The following TMEM131L variants were observed in gnomAD, a reference collection of about 807,000 sequenced individuals.
The protein encoded by TMEM131L is transmembrane 131 like.
A neutral mutation model predicts 192.2 loss-of-function variants in TMEM131L; 54 were observed. The ratio of observed to expected loss-of-function variants is 0.28; its 90% CI spans 0.23 to 0.35. The LOEUF (loss-of-function observed/expected upper bound fraction) is 0.35, where lower values mean the gene tolerates loss of function less well. Among genes scored for constraint, TMEM131L ranks in the 10% least tolerant of loss-of-function variants. The pLI is 1.00. For missense variants in TMEM131L, 1,888 were observed against 1,972.9 expected, an observed-to-expected ratio of 0.96 and a Z score of 0.82; for synonymous variants, 701 against 704.9, an observed-to-expected ratio of 0.99 and a Z score of 0.09.
chr4:153,487,796 G>A (rs576003203), intron 3 of TMEM131L, among the ~76,000 whole-genome samples: 1 of 151,394 alleles, frequency 6.6e-6, no homozygotes, highest in South Asian at 2.1e-4. Context: ...GTGCGAGAGA[G>A]AGGAGCCAGG....
At chr4:153,483,141 G>A (rs1732063864) in intron 3 of TMEM131L, among the ~76,000 whole-genome samples, 1 of 152,156 alleles carries the variant, frequency 6.6e-6, no homozygotes, top group African/African-American at 2.4e-5. Context: ...ATTAAGGTCT[G>A]GGGAAGCTGG....
At chr4:153,569,316 T>G (rs1729428248) in intron 7 of TMEM131L, among the ~76,000 whole-genome samples, 1 of 152,154 alleles carries the variant, frequency 6.6e-6, no homozygotes, top group Admixed American at 6.5e-5. Flanking sequence ...TCCCCTGATT[T>G]CTTTGTTGAC....
chr4:153,573,111 C>T (rs1729701986), intron 7 of TMEM131L, among the ~76,000 whole-genome samples: 1 of 152,224 alleles, frequency 6.6e-6, no homozygotes, highest in Non-Finnish European at 1.5e-5. Context: ...CACCTTGTGG[C>T]ATTTATGAGT....
intron 3 of TMEM131L, among the ~76,000 whole-genome samples, chr4:153,520,177 C>T (rs1337022329): frequency 6.6e-6 from 1 of 152,078 alleles, no homozygotes; most frequent in Admixed American, 6.6e-5. Flanking sequence ...CTCTGCCAGG[C>T]ACGGTGGCTC....
chr4:153,604,487 A>G, intron 25 of TMEM131L, 57 bp downstream of exon 25: 1 of 1,489,532 alleles, frequency 6.7e-7, no homozygotes, highest in Non-Finnish European at 9.1e-7. Context: ...TCTGTTTTTA[A>G]TGGAATTGTT....
In TMEM131L at chr4:153,553,916, A is replaced by G. The variant is rs1737818272; in HGVS notation, c.309-1871A>G. Reference sequence around the variant, plus strand: ...CTTTTAAAAATAGAATCTAAAAAATAGAATAAAAATAGCAGTGGTGACTAG... The same window carrying G: ...CTTTTAAAAATAGAATCTAAAAAATGGAATAAAAATAGCAGTGGTGACTAG... On this transcript the variant is annotated intron_variant, in intron 4 of 34. Transcript: ENST00000409959. 2.0e-5 allele frequency among the ~76,000 whole-genome samples: 3 copies of G among 152,358 alleles called. No individual in the cohort carries two copies. The South Asian group carries it at 6.2e-4, about 32-fold the overall frequency.
chr4:153,614,647 G>A (rs966822138), intron 26 of TMEM131L, among the ~76,000 whole-genome samples: 6 of 152,140 alleles, frequency 3.9e-5, no homozygotes, highest in Non-Finnish European at 7.4e-5. Context: ...TGCCTGTTAC[G>A]TAGAATCAGT....
At chr4:153,514,871 G>C (rs532651545) in intron 3 of TMEM131L, among the ~76,000 whole-genome samples, 119 of 151,770 alleles carry the variant, frequency 7.8e-4, no homozygotes, top group African/African-American at 2.6e-3. Context: ...GGAGTGTGGT[G>C]ACGCAATCGT....
intron 4 of TMEM131L, among the ~76,000 whole-genome samples, chr4:153,553,651 C>T (rs537793468): frequency 9.9e-5 from 15 of 152,104 alleles, no homozygotes; most frequent in Non-Finnish European, 1.3e-4. Flanking sequence ...ATGTTGGCCT[C>T]GAGCAAATCC....
chr4:153,558,313 C>G lies in TMEM131L; in HGVS notation c.605C>G (p.Pro202Arg). The G allele has an allele frequency of 6.2e-7, 1 of 1,609,144 alleles. No individual in the cohort carries two copies. The highest frequency in any genetic ancestry group is 1.3e-5 in the African/African-American group (1 of 75,026). ...ACAGAAGGGTCTGCAAAGCAGCTAC[C>G]AAATGCTTATTTTCTGCTTCCAAAG... ...ISTEGSAKQL[P>R]NAYFLLPKVQ... The change falls in exon 7 of 35, where the codon CCA becomes CGA. Residue 202 changes from proline to arginine, a missense_variant. Coordinates refer to ENST00000409959, the MANE Select transcript of TMEM131L (RefSeq NM_001131007.2).
chr4:153,564,314 A>AAAAAAAAAAAAAG (rs1561196159), intron 7 of TMEM131L, among the ~76,000 whole-genome samples: 1 of 149,120 alleles, frequency 6.7e-6, no homozygotes, highest in African/African-American at 2.5e-5. Context: ...AAAAAAAAAA[A>AAAAAAAAAAAAAG]GGCCCAAGGG....
At chr4:153,482,798 T>A (rs941708837) in intron 3 of TMEM131L, among the ~76,000 whole-genome samples, 2 of 152,108 alleles carry the variant, frequency 1.3e-5, no homozygotes, top group African/African-American at 2.4e-5. Context: ...GAGGTCTTCC[T>A]ATGTTGCCCA....
intron 3 of TMEM131L, among the ~76,000 whole-genome samples, chr4:153,526,681 T>C (rs969613937): frequency 3.3e-5 from 5 of 150,144 alleles, no homozygotes; most frequent in African/African-American, 1.2e-4. Flanking sequence ...GAGCTTGCAG[T>C]GAGCGAGATC....
Position 153,585,437 on chromosome 4 carries a change from A to G in TMEM131L, c.1158-21A>G, listed in dbSNP as rs773104706. On this transcript the variant is annotated intron_variant, in intron 12 of 34. Coordinates refer to ENST00000409959, the MANE Select transcript of TMEM131L (RefSeq NM_001131007.2). ...TTGTCCCACACTCAGGCCTGATAGC[A>G]TGCATGTCGTCTGTTCACAGGTATT... 3 of 1,612,600 alleles carry G rather than the reference A, an allele frequency of 1.9e-6. No homozygotes were observed. The South Asian group carries it at 3.3e-5, about 18-fold the overall frequency.
chr4:153,572,119 C>G (rs1729628803), intron 7 of TMEM131L, among the ~76,000 whole-genome samples: 1 of 151,902 alleles, frequency 6.6e-6, no homozygotes, highest in Non-Finnish European at 1.5e-5. Flanking sequence ...ATACTGTATA[C>G]AATGTGTAAC....
chr4:153,624,372 G>A (rs1451051036), intron 29 of TMEM131L, among the ~76,000 whole-genome samples: 1 of 152,190 alleles, frequency 6.6e-6, no homozygotes, highest in Non-Finnish European at 1.5e-5. Context: ...GCCCGCCTTG[G>A]CCTCCCAAAG....
At chr4:153,562,568 ACT>A (rs1490584588) in intron 7 of TMEM131L, among the ~76,000 whole-genome samples, 4 of 152,098 alleles carry the variant, frequency 2.6e-5, no homozygotes, top group Non-Finnish European at 5.9e-5. Flanking sequence ...TATGTTTTTT[ACT>A]CTCTGCCTGT....
At chr4:153,619,289 G>A (rs1176513382) in intron 26 of TMEM131L, among the ~76,000 whole-genome samples, 1 of 152,124 alleles carries the variant, frequency 6.6e-6, no homozygotes, top group Non-Finnish European at 1.5e-5. Flanking sequence ...TTGAGTGGAC[G>A]GGGGTGGGAA....
intron 3 of TMEM131L, among the ~76,000 whole-genome samples, chr4:153,513,775 G>T (rs575617034): frequency 6.6e-6 from 1 of 152,156 alleles, no homozygotes; most frequent in Admixed American, 6.6e-5. Flanking sequence ...GTAAATTAAT[G>T]TGGTTCTCAG....
Sources: allele counts gnomAD v4.1 joint callset (sites outside exome capture counted in the v4.1 genomes callset), GRCh38; gene constraint gnomAD v4.1.1; transcripts MANE v1.5; gene names NCBI Gene and HGNC (gene_info 2026-07-23, HGNC 2026-07-21).